POLN: variants seen among roughly 807,000 people sequenced by gnomAD.
POLN encodes DNA polymerase N.
Under a neutral mutation model 113.5 loss-of-function variants are expected in POLN, and 108 were observed. The ratio of observed to expected loss-of-function variants is 0.95; its 90% confidence interval spans 0.81 to 1.12. The LOEUF (loss-of-function observed/expected upper bound fraction) is 1.12, where lower values mean the gene tolerates loss of function less well. POLN is among the 50% of genes most tolerant of loss of function. POLN has a pLI of 0.00. For missense variants in POLN, 1,097 were observed against 1,077.1 expected (o/e 1.02, Z -0.26); for synonymous variants, 386 against 391.5 (o/e 0.99, Z 0.17).
chr4:2,236,877 A>T (rs904334349), intron 2 of POLN, among the ~76,000 whole-genome samples: 4 of 149,138 alleles, frequency 2.7e-5, no homozygotes, highest in East Asian at 1.9e-4. Context: ...TAATAATAAT[A>T]ATAATTATAA....
intron 5 of POLN, among the ~76,000 whole-genome samples, chr4:2,199,332 C>T (rs1477210066): frequency 6.6e-6 from 1 of 151,984 alleles, no homozygotes; most frequent in South Asian, 2.1e-4. Flanking sequence ...AAAAACTCAA[C>T]ATAATAATGT....
intron 2 of POLN, among the ~76,000 whole-genome samples, chr4:2,239,876 T>C (rs138685350): frequency 1.3e-5 from 2 of 152,352 alleles, no homozygotes; most frequent in East Asian, 3.8e-4. Flanking sequence ...TGGAACTATT[T>C]GTATGAAACA....
intron 16 of POLN, among the ~76,000 whole-genome samples, chr4:2,135,707 T>C (rs1337838229): frequency 1.3e-5 from 2 of 152,152 alleles, no homozygotes; most frequent in Non-Finnish European, 2.9e-5. Flanking sequence ...AGAGTCCAAA[T>C]GTGGGAGAAG....
At chr4:2,196,958 G>A (rs1733591496) in intron 6 of POLN, among the ~76,000 whole-genome samples, 3 of 152,192 alleles carry the variant, frequency 2.0e-5, no homozygotes, top group African/African-American at 7.2e-5. Context: ...GGTCAGGAAC[G>A]GCAAGGAGGT....
intron 6 of POLN, among the ~76,000 whole-genome samples, chr4:2,197,376 G>C (rs1733606023): frequency 1.3e-5 from 2 of 152,334 alleles, no homozygotes; most frequent in Non-Finnish European, 2.9e-5. Context: ...AATAGGACTT[G>C]CTGAGAGCTT....
chr4:2,156,893 G>A (rs1304366776), intron 15 of POLN, 40 bp from the exon 16 acceptor site: 1 of 1,504,620 alleles, frequency 6.6e-7, no homozygotes, highest in Admixed American at 1.7e-5. Flanking sequence ...CTCCAGCAAT[G>A]CTATGTGAAG....
chr4:2,161,617 C>T (rs1453494699), intron 13 of POLN, among the ~76,000 whole-genome samples: 1 of 152,232 alleles, frequency 6.6e-6, no homozygotes, highest in Non-Finnish European at 1.5e-5. Context: ...CCATGGCGCC[C>T]AGTCCCATCG....
At position 2,242,099 on chromosome 4, in the gene POLN, C is replaced by G; in HGVS notation, c.-332G>C. 1.0e-6 allele frequency: 1 copy of G among 985,922 alleles called. No homozygotes were observed. The highest frequency in any genetic ancestry group is 1.2e-6 in the Non-Finnish European group (1 of 830,284). The allele number at this position is 985,922 out of a possible 1,614,324, so 61.1% of individuals were successfully genotyped here. On this transcript the variant is annotated 5_prime_UTR_variant, in exon 1 of 26. Coordinates refer to ENST00000511885, the MANE Select transcript of POLN (RefSeq NM_181808.4). ...CGCAGGAGCCCGCCGCCACCGCCCT[C>G]CGTGCCCCGCGCGCCTCGCACTGCC...
In POLN at chr4:2,127,826, C is replaced by T. The variant is rs994814719; in HGVS notation, c.1982+287G>A. 5.3e-5 allele frequency among the ~76,000 whole-genome samples: 8 copies of T among 152,266 alleles called. No individual in the cohort carries two copies. In the East Asian group the frequency reaches 7.7e-4, roughly 15 times the overall value. ...GCCAGCACCGCGGGCTCGCTCTTTCCGTGGTGCTCGCCTGCAGGGCGCGGG... is the reference window on the plus strand; with the variant it reads ...GCCAGCACCGCGGGCTCGCTCTTTCTGTGGTGCTCGCCTGCAGGGCGCGGG... On this transcript the variant is annotated intron_variant, in intron 19 of 25. Coordinates refer to ENST00000511885, the MANE Select transcript of POLN (RefSeq NM_181808.4). This position sits in a 1 kb window ranked among gnomAD's most constrained non-coding sequence, Gnocchi z 4.7.
At chr4:2,158,010 G>T in intron 14 of POLN, 99 bp from the exon 15 acceptor site, 1 of 862,728 alleles carries the variant, frequency 1.2e-6, no homozygotes, top group Non-Finnish European at 1.8e-6. Flanking sequence ...GGAGTGCAGT[G>T]GCGTGATCTC....
At chr4:2,103,890 G>A (rs1223390783) in intron 19 of POLN, among the ~76,000 whole-genome samples, 2 of 152,324 alleles carry the variant, frequency 1.3e-5, no homozygotes, top group Admixed American at 1.3e-4. Context: ...ATAAATGAAG[G>A]AGAAATAAAG....
At chr4:2,197,431 G>C (rs369987360) in intron 6 of POLN, among the ~76,000 whole-genome samples, 1 of 152,296 alleles carries the variant, frequency 6.6e-6, no homozygotes, top group Non-Finnish European at 1.5e-5. Context: ...ATAACCCCAG[G>C]ACTTTTTGCC....
chr4:2,099,478 G>C (rs894207487), intron 19 of POLN, among the ~76,000 whole-genome samples: 1 of 152,212 alleles, frequency 6.6e-6, no homozygotes, highest in African/African-American at 2.4e-5. Flanking sequence ...CACCAATTGA[G>C]GGACATTCTA....
At chr4:2,088,802 G>A (rs1192020813) in intron 20 of POLN, 1 of 1,381,244 alleles carries the variant, frequency 7.2e-7, no homozygotes, top group Non-Finnish European at 1.0e-6. Context: ...CGCTACAAGA[G>A]GACTTATTTC....
chr4:2,216,284 C>T (rs1176907684), intron 3 of POLN, among the ~76,000 whole-genome samples: 3 of 152,210 alleles, frequency 2.0e-5, no homozygotes, highest in Non-Finnish European at 4.4e-5. Context: ...GACCTTTAAA[C>T]CTTAAGAACC....
At chr4:2,159,362 G>T in intron 13 of POLN, 151 bp from the exon 14 acceptor site, 1 of 663,948 alleles carries the variant, frequency 1.5e-6, no homozygotes, top group Non-Finnish European at 2.5e-6. Context: ...TTTATCAAGT[G>T]TCTTAATCCT....
chr4:2,221,910 C>T (rs965988529), intron 3 of POLN, among the ~76,000 whole-genome samples: 2 of 152,144 alleles, frequency 1.3e-5, no homozygotes, highest in Non-Finnish European at 2.9e-5. Context: ...GCCCCCTCTT[C>T]GAGTTGTCCC....
intron 3 of POLN, among the ~76,000 whole-genome samples, chr4:2,222,131 C>T (rs1734273112): frequency 6.6e-6 from 1 of 152,152 alleles, no homozygotes; most frequent in African/African-American, 2.4e-5. Flanking sequence ...CGCCATGTTG[C>T]CCAAACTGGT....
At chr4:2,232,198 T>G (rs1353393958) in intron 2 of POLN, 1 of 890,646 alleles carries the variant, frequency 1.1e-6, no homozygotes, top group African/African-American at 1.8e-5. Flanking sequence ...TAAAACACTT[T>G]ATTCCTAATA....
Sources: gnomAD v4.1 joint callset for allele counts (sites outside exome capture counted in the v4.1 genomes callset) on GRCh38, gnomAD v4.1.1 for gene constraint, Gnocchi (gnomAD v3.1) non-coding constraint, MANE v1.5 for transcripts, NCBI Gene and HGNC (gene_info 2026-07-23, HGNC 2026-07-21) for gene names.